Variants in UBAC2 observed in about 807,000 individuals in gnomAD.
UBAC2 encodes the protein ubiquitin-associated domain-containing protein 2.
A neutral mutation model predicts 44.0 loss-of-function variants in UBAC2; 26 were observed. The observed-to-expected ratio is 0.59, with a 90% CI of 0.43 to 0.82. The LOEUF is 0.82. UBAC2 is among the 40% of genes least tolerant of loss of function. UBAC2 has a pLI of 0.00. For synonymous variants in UBAC2, 155 were observed against 154.3 expected (o/e 1.00, Z -0.04); for missense variants, 329 against 419.4 (o/e 0.78, Z 1.88).
At chr13:99,299,695 C>A (rs1160179007) in intron 4 of UBAC2, among the ~76,000 whole-genome samples, 1 of 152,058 alleles carries the variant, frequency 6.6e-6, no homozygotes, top group African/African-American at 2.4e-5. Context: ...TCAAAGCTTG[C>A]TGTTCAGTGT....
At chr13:99,280,833 CT>C (rs11325868) in intron 4 of UBAC2, among the ~76,000 whole-genome samples, 37,744 of 98,178 alleles carry the variant, frequency 0.38, 5,741 homozygotes, top group Non-Finnish European at 0.52. Flanking sequence ...TTCTTTCCCT[CT>C]CTCTCTCTCT....
intron 4 of UBAC2, among the ~76,000 whole-genome samples, chr13:99,287,643 C>A: frequency 2.1e-5 from 2 of 95,162 alleles, no homozygotes; most frequent in South Asian, 3.9e-4. Context: ...TTTTTTCTTT[C>A]TTTTTTTTTT....
intron 7 of UBAC2, among the ~76,000 whole-genome samples, chr13:99,352,897 G>C (rs1173390045): frequency 6.6e-6 from 1 of 152,176 alleles, no homozygotes; most frequent in Non-Finnish European, 1.5e-5. Flanking sequence ...CCCTGTGTCC[G>C]GGGTAGGGGC....
At chr13:99,369,663 G>A (rs1045282950) in intron 8 of UBAC2, among the ~76,000 whole-genome samples, 1 of 152,192 alleles carries the variant, frequency 6.6e-6, no homozygotes, top group African/African-American at 2.4e-5. Context: ...AGGAGCGCTT[G>A]TAATCTCAAA....
chr13:99,260,654 G>C (rs941474494), intron 4 of UBAC2, among the ~76,000 whole-genome samples: 3 of 152,118 alleles, frequency 2.0e-5, no homozygotes, highest in African/African-American at 7.2e-5. Context: ...GTAAACAATG[G>C]GTCAAGGATT....
intron 4 of UBAC2, among the ~76,000 whole-genome samples, chr13:99,280,347 C>G (rs1160682389): frequency 6.6e-6 from 1 of 152,206 alleles, no homozygotes; most frequent in Non-Finnish European, 1.5e-5. Flanking sequence ...TACATCATTA[C>G]AGATTTCTCT....
chr13:99,359,305 A>G (rs1179170141), intron 7 of UBAC2, among the ~76,000 whole-genome samples: 3 of 152,360 alleles, frequency 2.0e-5, no homozygotes, highest in African/African-American at 4.8e-5. Context: ...TTAAAATACC[A>G]GACTATGAGC....
At chr13:99,223,824 AT>A (rs1296405808) in intron 1 of UBAC2, among the ~76,000 whole-genome samples, 1 of 151,568 alleles carries the variant, frequency 6.6e-6, no homozygotes, top group African/African-American at 2.4e-5. Flanking sequence ...TTGGCTTCTG[AT>A]TTTTTTGTGG....
intron 7 of UBAC2, among the ~76,000 whole-genome samples, chr13:99,346,123 C>G (rs1335775720): frequency 6.6e-6 from 1 of 152,200 alleles, no homozygotes; most frequent in African/African-American, 2.4e-5. Flanking sequence ...ACCCGAAAGT[C>G]CAAACCTAGG....
chr13:99,255,955 T>C, intron 4 of UBAC2: 1 of 1,329,038 alleles, frequency 7.5e-7, no homozygotes, highest in African/African-American at 1.5e-5. Context: ...GGTTAAAAAA[T>C]AAATGCTTAA....
At chr13:99,217,384 A>G (rs901876209) in intron 1 of UBAC2, among the ~76,000 whole-genome samples, 8 of 152,152 alleles carry the variant, frequency 5.3e-5, no homozygotes, top group Non-Finnish European at 8.8e-5. Flanking sequence ...GGGTTTCTCC[A>G]CCATGCAGGC....
intron 4 of UBAC2, among the ~76,000 whole-genome samples, chr13:99,302,864 G>T (rs1430479743): frequency 3.3e-5 from 5 of 152,116 alleles, no homozygotes; most frequent in Non-Finnish European, 7.3e-5. Flanking sequence ...ATACATCTTT[G>T]TACACTGTAA....
intron 1 of UBAC2, among the ~76,000 whole-genome samples, chr13:99,228,193 A>G (rs1343384533): frequency 6.6e-6 from 1 of 152,196 alleles, no homozygotes; most frequent in Non-Finnish European, 1.5e-5. Flanking sequence ...CTCCATCTGC[A>G]GTCCTGTCAG....
chr13:99,275,927 T>C (rs1191191410), intron 4 of UBAC2, among the ~76,000 whole-genome samples: 1 of 152,164 alleles, frequency 6.6e-6, no homozygotes, highest in African/African-American at 2.4e-5. Flanking sequence ...CACCAATGGG[T>C]TGGTCAGATT....
At chr13:99,287,989 A>G (rs2044041933) in intron 4 of UBAC2, among the ~76,000 whole-genome samples, 1 of 152,218 alleles carries the variant, frequency 6.6e-6, no homozygotes, top group Non-Finnish European at 1.5e-5. Flanking sequence ...CAGTAACCTT[A>G]TACATTTTTA....
At chr13:99,285,847 G>A (rs912058061) in intron 4 of UBAC2, among the ~76,000 whole-genome samples, 1 of 152,160 alleles carries the variant, frequency 6.6e-6, no homozygotes, top group Non-Finnish European at 1.5e-5. Context: ...CTTGAATTCA[G>A]TATGAGCCAA....
chr13:99,257,332 A>G (rs1478464870), intron 4 of UBAC2, among the ~76,000 whole-genome samples: 6 of 152,198 alleles, frequency 3.9e-5, no homozygotes, highest in Non-Finnish European at 8.8e-5. Flanking sequence ...ACTGGAATGC[A>G]TTCTTATTAA....
At chr13:99,329,256 A>G (rs1213056923) in intron 6 of UBAC2, among the ~76,000 whole-genome samples, 3 of 152,116 alleles carry the variant, frequency 2.0e-5, no homozygotes, top group Non-Finnish European at 4.4e-5. Flanking sequence ...CTTTTTTAAA[A>G]CTGGTTTGCT....
chr13:99,340,633 A>G, intron 7 of UBAC2, 68 bp downstream of exon 7: 1 of 1,523,438 alleles, frequency 6.6e-7, no homozygotes, highest in Non-Finnish European at 8.9e-7. Flanking sequence ...TTCCTCTGTG[A>G]TTGCATGTGA....
Sources: allele counts gnomAD v4.1 joint callset (sites outside exome capture counted in the v4.1 genomes callset), GRCh38; gene constraint gnomAD v4.1.1; transcripts MANE v1.5; gene names NCBI Gene and HGNC (gene_info 2026-07-23, HGNC 2026-07-21).